The following WFDC3 variants were observed in gnomAD, a reference collection of about 807,000 sequenced individuals.
The protein encoded by WFDC3 is WAP four-disulfide core domain protein 3.
A neutral mutation model predicts 25.8 loss-of-function variants in WFDC3; 15 were observed. The observed-to-expected ratio is 0.58, with a 90% confidence interval of 0.39 to 0.89. WFDC3 has a LOEUF of 0.89. Ranked by LOEUF, WFDC3 falls within the 40% of genes least tolerant of loss-of-function variation. The pLI is 0.00. For synonymous variants in WFDC3, 103 were observed against 107.1 expected (o/e 0.96, Z 0.24); for missense variants, 264 against 289.8 (o/e 0.91, Z 0.65).
intron 4 of WFDC3, among the ~76,000 whole-genome samples, chr20:45,782,030 T>A (rs1018618369): frequency 7.2e-5 from 11 of 152,162 alleles, no homozygotes; most frequent in Non-Finnish European, 1.6e-4. Context: ...AATACATATA[T>A]GTTAATAAGC....
At chr20:45,782,675 C>T (rs1326797507) in intron 4 of WFDC3, among the ~76,000 whole-genome samples, 3 of 152,032 alleles carry the variant, frequency 2.0e-5, no homozygotes, top group African/African-American at 4.8e-5. Flanking sequence ...TGCGTTCGGC[C>T]GCCTTCCATT....
chr20:45,774,691 C>T (rs757285551), intron 6 of WFDC3, among the ~76,000 whole-genome samples: 16 of 152,122 alleles, frequency 1.1e-4, no homozygotes, highest in Non-Finnish European at 2.1e-4. Flanking sequence ...CCTGTAATCC[C>T]AGCACTTTGG....
At chr20:45,784,048 G>A (rs562030149) in intron 4 of WFDC3, among the ~76,000 whole-genome samples, 1 of 152,294 alleles carries the variant, frequency 6.6e-6, no homozygotes, top group Admixed American at 6.5e-5. Flanking sequence ...CTGGCCAGGG[G>A]CCAGAGCAGC....
chr20:45,782,454 T>C (rs1980490790), intron 4 of WFDC3, among the ~76,000 whole-genome samples: 2 of 152,044 alleles, frequency 1.3e-5, no homozygotes, highest in Non-Finnish European at 2.9e-5. Context: ...CTCGGCTCTC[T>C]GCAACCTCCA....
intron 4 of WFDC3, 114 bp from the exon 5 acceptor site, chr20:45,777,323 A>AC: frequency 9.1e-7 from 1 of 1,097,214 alleles, no homozygotes; most frequent in African/African-American, 1.6e-5. Context: ...TATATAATGT[A>AC]AATATTTATG....
intron 5 of WFDC3, among the ~76,000 whole-genome samples, chr20:45,776,503 G>T (rs1412111925): frequency 6.7e-6 from 1 of 149,584 alleles, no homozygotes; most frequent in Non-Finnish European, 1.5e-5. Flanking sequence ...CTACTCAGGA[G>T]GCTGAGGCAG....
At position 45,774,269 on chromosome 20, in the gene WFDC3, G is replaced by A; in HGVS notation, c.*159C>T. Reference sequence around the variant, plus strand: ...ACCACACACCCACTACCCAATCCAGGGCTATTTCCCATGCTCTGGTCAGCG... The same window carrying A: ...ACCACACACCCACTACCCAATCCAGAGCTATTTCCCATGCTCTGGTCAGCG... On this transcript the variant is annotated 3_prime_UTR_variant, in exon 7 of 7. Coordinates refer to ENST00000243938, the MANE Select transcript of WFDC3 (RefSeq NM_080614.2). 1.0e-6 allele frequency: 1 copy of A among 957,412 alleles called. No homozygotes were observed. The highest frequency in any genetic ancestry group is 1.9e-5 in the Admixed American group (1 of 51,468). The allele number at this position is 957,412 out of a possible 1,614,324, so 59.3% of individuals were successfully genotyped here.
chr20:45,789,894 C>T lies in WFDC3; in HGVS notation c.82G>A (p.Ala28Thr). 6.2e-7 allele frequency: 1 copy of T among 1,613,700 alleles called. No homozygotes were observed. The highest frequency in any genetic ancestry group is 1.3e-5 in the African/African-American group (1 of 75,032). Residue 28 changes from alanine to threonine, a missense_variant and splice_region_variant, in exon 2 of 7, where the codon GCA (alanine) becomes ACA (threonine). Coordinates refer to ENST00000243938, the MANE Select transcript of WFDC3 (RefSeq NM_080614.2). ...LESWITAGEH[A>T]KEGECPPHKN... ...CCAGGGATCCCAAATGATAGCTCAC[C>T]ATGTTCTCCTGCAGTTATCCAGGAT...
chr20:45,787,360 G>A (rs1980728855), intron 4 of WFDC3, among the ~76,000 whole-genome samples: 1 of 130,930 alleles, frequency 7.6e-6, no homozygotes, highest in African/African-American at 2.9e-5. Flanking sequence ...GCATAATCTC[G>A]GCCCACTGCA....
intron 1 of WFDC3, among the ~76,000 whole-genome samples, chr20:45,791,606 A>G (rs1388843962): frequency 6.6e-6 from 1 of 152,070 alleles, no homozygotes; most frequent in African/African-American, 2.4e-5. Context: ...CGAGCATATT[A>G]AAATCTAGTT....
At chr20:45,785,033 G>T (rs948093283) in intron 4 of WFDC3, among the ~76,000 whole-genome samples, 1 of 152,146 alleles carries the variant, frequency 6.6e-6, no homozygotes, top group Non-Finnish European at 1.5e-5. Context: ...AATGATTCCA[G>T]TTCCTTTAGA....
chr20:45,787,845 G>A lies in WFDC3; in HGVS notation c.349C>T (p.Gln117Ter), dbSNP rs1487042819. ...GGACAGCGTTTCTTACCCAGCTTCT[G>A]TTTAGAGATTGGGACTACACAGCTC... Reference protein sequence around the residue: ...NKSCVVPISKQKLAEFGGECP... With the variant: ...NKSCVVPISK Residue 117 changes from glutamine to a stop codon, truncating the protein, a stop_gained, in exon 4 of 7, where the codon CAG becomes TAG. Transcript: ENST00000243938. LOFTEE classifies it high-confidence loss of function. 1 of 1,612,462 alleles carries A rather than the reference G, an allele frequency of 6.2e-7. No individual in the cohort carries two copies. Among genetic ancestry groups the A allele is most frequent in the Non-Finnish European group, 8.5e-7 (1 of 1,179,370 alleles).
At chr20:45,787,457 C>CT (rs900507302) in intron 4 of WFDC3, among the ~76,000 whole-genome samples, 1 of 151,436 alleles carries the variant, frequency 6.6e-6, no homozygotes, top group Admixed American at 6.6e-5. Flanking sequence ...CGCCCGGCTA[C>CT]TTTTTTTGTA....
chr20:45,784,746 A>G (rs913274488), intron 4 of WFDC3, among the ~76,000 whole-genome samples: 1 of 152,248 alleles, frequency 6.6e-6, no homozygotes. Context: ...AGTCTCAAAA[A>G]AAAGAAATTG....
chr20:45,785,268 G>A (rs747653814), intron 4 of WFDC3, among the ~76,000 whole-genome samples: 28 of 152,054 alleles, frequency 1.8e-4, no homozygotes, highest in Non-Finnish European at 4.0e-4. Context: ...TCAGGAGTTC[G>A]AGATCAGCCT....
chr20:45,776,474 C>T (rs1433513147), intron 5 of WFDC3, among the ~76,000 whole-genome samples: 1 of 150,302 alleles, frequency 6.7e-6, no homozygotes, highest in Non-Finnish European at 1.5e-5. Context: ...GGCATGGTGG[C>T]GTGTGCCTGT....
chr20:45,782,119 A>T (rs1229170595), intron 4 of WFDC3, among the ~76,000 whole-genome samples: 1 of 152,122 alleles, frequency 6.6e-6, no homozygotes, highest in African/African-American at 2.4e-5. Context: ...GCCCAAGAAG[A>T]CAACTGTCAG....
intron 5 of WFDC3, among the ~76,000 whole-genome samples, chr20:45,776,261 C>T (rs1177090680): frequency 1.6e-5 from 2 of 128,790 alleles, no homozygotes; most frequent in East Asian, 2.2e-4. Context: ...GGCATTGGAA[C>T]AGGAATGCTT....
chr20:45,785,977 G>C (rs1383922629), intron 4 of WFDC3, among the ~76,000 whole-genome samples: 2 of 152,100 alleles, frequency 1.3e-5, no homozygotes, highest in Admixed American at 1.3e-4. Flanking sequence ...GTCATCTTAA[G>C]GCCTCTGTGT....
Sources: allele counts gnomAD v4.1 joint callset (sites outside exome capture counted in the v4.1 genomes callset), GRCh38; gene constraint gnomAD v4.1.1; transcripts MANE v1.5; gene names NCBI Gene and HGNC (gene_info 2026-07-23, HGNC 2026-07-21).